DCTD: variants seen among roughly 807,000 people sequenced by gnomAD.
DCTD encodes deoxycytidylate deaminase.
Under a neutral mutation model 21.0 loss-of-function variants are expected in DCTD, and 23 were observed. That is an observed-to-expected ratio of 1.09 (90% CI 0.79 to 1.55). The LOEUF is 1.55. Ranked by LOEUF, DCTD falls within the 40% of genes most tolerant of loss-of-function variation. DCTD has a pLI of 0.00. For missense variants in DCTD, 224 were observed against 230.0 expected, an observed-to-expected ratio of 0.97 and a Z score of 0.17; for synonymous variants, 71 against 81.1, an observed-to-expected ratio of 0.88 and a Z score of 0.67.
At chr4:182,910,369 C>G in intron 3 of DCTD, among the ~76,000 whole-genome samples, 1 of 152,108 alleles carries the variant, frequency 6.6e-6, no homozygotes, top group East Asian at 1.9e-4. Flanking sequence ...AAATCGGTTA[C>G]GAAAACCCAA....
chr4:182,914,844 T>C (rs1738405126), intron 3 of DCTD, 79 bp downstream of exon 3: 2 of 1,514,068 alleles, frequency 1.3e-6, no homozygotes, highest in Non-Finnish European at 9.1e-7. Context: ...AGGGAGATGA[T>C]GCCTTCTGAC....
chr4:182,898,364 T>A (rs1466647122), intron 3 of DCTD, among the ~76,000 whole-genome samples: 1 of 152,226 alleles, frequency 6.6e-6, no homozygotes, highest in Non-Finnish European at 1.5e-5. Context: ...GGAAGCCGGA[T>A]GACCTTCGAC....
chr4:182,893,931 G>A (rs1338291231), intron 4 of DCTD, among the ~76,000 whole-genome samples: 1 of 152,384 alleles, frequency 6.6e-6, no homozygotes, highest in East Asian at 1.9e-4. Context: ...GAGACAAAGT[G>A]TAGCTGAATC....
chr4:182,916,414 G>A, intron 1 of DCTD: 1 of 985,544 alleles, frequency 1.0e-6, no homozygotes, highest in Non-Finnish European at 1.2e-6. Flanking sequence ...AAACGGGGTG[G>A]GTACCACGGA....
intron 3 of DCTD, among the ~76,000 whole-genome samples, chr4:182,897,670 G>C (rs770181251): frequency 6.6e-6 from 1 of 152,176 alleles, no homozygotes; most frequent in Non-Finnish European, 1.5e-5. Flanking sequence ...GAGGGTGTAA[G>C]ATCAGCCCCA....
chr4:182,907,931 G>A (rs1197327729), intron 3 of DCTD, among the ~76,000 whole-genome samples: 3 of 152,138 alleles, frequency 2.0e-5, no homozygotes, highest in South Asian at 2.1e-4. Flanking sequence ...TCCTTACGGC[G>A]GCTCCAGGAT....
chr4:182,914,804 A>C, intron 3 of DCTD, 119 bp downstream of exon 3: 4 of 1,175,610 alleles, frequency 3.4e-6, no homozygotes, highest in Non-Finnish European at 4.9e-6. Flanking sequence ...GTTCAGTAGG[A>C]TACTTTTCTT....
chr4:182,915,406 G>A (rs1382942979), intron 2 of DCTD, 55 bp downstream of exon 2: 2 of 1,164,060 alleles, frequency 1.7e-6, no homozygotes, highest in Non-Finnish European at 2.6e-6. Flanking sequence ...CTGCTCATGT[G>A]CAGTAATCTC....
intron 3 of DCTD, among the ~76,000 whole-genome samples, chr4:182,901,263 G>A (rs1367977779): frequency 6.6e-6 from 1 of 152,174 alleles, no homozygotes; most frequent in East Asian, 1.9e-4. Context: ...ATCTTCATCT[G>A]CTATGGAGAT....
chr4:182,896,181 C>A (rs548845443), intron 3 of DCTD, among the ~76,000 whole-genome samples: 1 of 152,184 alleles, frequency 6.6e-6, no homozygotes, highest in Admixed American at 6.5e-5. Flanking sequence ...GACTCACTTG[C>A]TTCATCGATG....
intron 3 of DCTD, among the ~76,000 whole-genome samples, chr4:182,913,794 C>A (rs1436258336): frequency 5.9e-5 from 9 of 152,200 alleles, no homozygotes; most frequent in African/African-American, 2.2e-4. Context: ...CTTGCATATT[C>A]TCCAAGGAAT....
At chr4:182,908,906 C>T (rs1737212848) in intron 3 of DCTD, among the ~76,000 whole-genome samples, 1 of 152,100 alleles carries the variant, frequency 6.6e-6, no homozygotes, top group Admixed American at 6.5e-5. Flanking sequence ...CTTCTGGGAA[C>T]CCTGGAACCA....
rs1352836849 is a variant in DCTD at position 182,917,075 on chromosome 4, A to C, written c.-8+236T>G. The C allele has an allele frequency of 1.0e-6, 1 of 986,060 alleles. No homozygotes were observed. Among genetic ancestry groups the C allele is most frequent in the Non-Finnish European group, 1.2e-6 (1 of 830,528 alleles). 61.1% of individuals were successfully genotyped at this position (986,060 alleles called of 1,614,324 possible). A position where few individuals can be genotyped will look rare whatever the true frequency, so the allele number is the denominator to read the frequency against. ...CACTCCAAGGGGCCCGGCCTCGCAC[A>C]GGCCGCGGCGCCCGCCGAGAAATCG... On this transcript the variant is annotated intron_variant, in intron 1 of 5. Transcript: ENST00000438320. The surrounding 1 kb of genome is among the most constrained non-coding windows in gnomAD (Gnocchi z 4.9).
At chr4:182,897,682 C>A (rs1734984633) in intron 3 of DCTD, among the ~76,000 whole-genome samples, 1 of 152,130 alleles carries the variant, frequency 6.6e-6, no homozygotes, top group South Asian at 2.1e-4. Flanking sequence ...TCAGCCCCAC[C>A]CTGGTCTCTC....
intron 2 of DCTD, 95 bp downstream of exon 2, chr4:182,915,366 G>T: frequency 3.4e-6 from 3 of 890,898 alleles, no homozygotes; most frequent in Non-Finnish European, 5.6e-6. Flanking sequence ...GCACTTTTAA[G>T]TTGACAGGCG....
intron 3 of DCTD, among the ~76,000 whole-genome samples, chr4:182,906,328 A>G (rs2152860810): frequency 6.6e-6 from 1 of 152,270 alleles, no homozygotes; most frequent in Admixed American, 6.5e-5. Flanking sequence ...GGAATATTCA[A>G]TCATATCTGT....
At chr4:182,913,868 G>A (rs939469115) in intron 3 of DCTD, among the ~76,000 whole-genome samples, 1 of 152,204 alleles carries the variant, frequency 6.6e-6, no homozygotes, top group Admixed American at 6.5e-5. Flanking sequence ...TTTCCCTGGG[G>A]CTTAGACAGG....
At chr4:182,900,317 G>GAA (rs139141198) in intron 3 of DCTD, among the ~76,000 whole-genome samples, 2 of 143,444 alleles carry the variant, frequency 1.4e-5, no homozygotes, top group African/African-American at 2.6e-5. Context: ...CCCCATCTCA[G>GAA]AAAAAAAAAA....
intron 3 of DCTD, among the ~76,000 whole-genome samples, chr4:182,898,554 A>G (rs1735153836): frequency 6.6e-6 from 1 of 152,156 alleles, no homozygotes; most frequent in Non-Finnish European, 1.5e-5. Context: ...TCTCTAAAAC[A>G]AGCTTTCACT....
Sources: allele counts gnomAD v4.1 joint callset (sites outside exome capture counted in the v4.1 genomes callset), GRCh38; gene constraint gnomAD v4.1.1; non-coding constraint Gnocchi (gnomAD v3.1); transcripts MANE v1.5; gene names NCBI Gene and HGNC (gene_info 2026-07-23, HGNC 2026-07-21).